Variants in DLG2 observed in about 807,000 individuals in gnomAD.
DLG2 encodes disks large homolog 2.
DLG2 carries 45 observed loss-of-function variants against 132.5 expected under a neutral mutation model. The ratio of observed to expected loss-of-function variants is 0.34; its 90% CI spans 0.27 to 0.44. The LOEUF (loss-of-function observed/expected upper bound fraction) is 0.44. DLG2 is among the 20% of genes least tolerant of loss of function. The pLI is 1.00. For synonymous variants in DLG2, 424 were observed against 419.6 expected (o/e 1.01, Z -0.13); for missense variants, 1,045 against 1,196.9 (o/e 0.87, Z 1.87).
chr11:84,240,385 G>T (rs1223693984), intron 8 of DLG2, among the ~76,000 whole-genome samples: 1 of 152,212 alleles, frequency 6.6e-6, no homozygotes, highest in Non-Finnish European at 1.5e-5. Flanking sequence ...AACTGAACCT[G>T]TCTCCTAAAG....
intron 4 of DLG2, among the ~76,000 whole-genome samples, chr11:85,270,992 C>T (rs900171457): frequency 2.6e-5 from 4 of 152,180 alleles, no homozygotes; most frequent in South Asian, 2.1e-4. Context: ...TGGCTGCAGA[C>T]ATTTGCATAA....
At chr11:85,438,091 G>C (rs948075342) in intron 3 of DLG2, among the ~76,000 whole-genome samples, 5 of 152,182 alleles carry the variant, frequency 3.3e-5, no homozygotes, top group Non-Finnish European at 7.3e-5. Flanking sequence ...AGGGGGATGA[G>C]GCACTACATA....
intron 7 of DLG2, among the ~76,000 whole-genome samples, chr11:84,487,165 T>C (rs886988735): frequency 2.6e-5 from 4 of 152,156 alleles, no homozygotes; most frequent in Admixed American, 6.5e-5. Context: ...CAACAATTAT[T>C]AGTCTTTTTT....
intron 7 of DLG2, among the ~76,000 whole-genome samples, chr11:84,301,225 A>G (rs994471767): frequency 1.3e-5 from 2 of 152,196 alleles, no homozygotes; most frequent in Admixed American, 6.5e-5. Flanking sequence ...TAGAAAAAGA[A>G]TATTTGGCAG....
intron 6 of DLG2, among the ~76,000 whole-genome samples, chr11:84,930,638 CA>C (rs1418098892): frequency 6.6e-6 from 1 of 152,102 alleles, no homozygotes; most frequent in African/African-American, 2.4e-5. Flanking sequence ...AGCCAACACA[CA>C]AGTCCTCAAC....
intron 18 of DLG2, among the ~76,000 whole-genome samples, chr11:83,734,401 T>TTCCCTCCC (rs2091583503): frequency 1.1e-5 from 1 of 90,592 alleles, no homozygotes; most frequent in African/African-American, 4.2e-5. Flanking sequence ...CCTTCCTTCC[T>TTCCCTCCC]TCCTTCCCTC....
chr11:84,860,750 A>G (rs1272032699), intron 6 of DLG2, among the ~76,000 whole-genome samples: 2 of 152,108 alleles, frequency 1.3e-5, no homozygotes, highest in African/African-American at 4.8e-5. Flanking sequence ...TTGGAATATT[A>G]TGCATTAGTA....
intron 17 of DLG2, among the ~76,000 whole-genome samples, chr11:83,818,730 C>G (rs558869229): frequency 6.6e-6 from 1 of 151,966 alleles, no homozygotes. Context: ...AGATGGTGAG[C>G]CACCCAAGGT....
At chr11:85,472,345 A>G (rs1209310916) in intron 3 of DLG2, among the ~76,000 whole-genome samples, 1 of 152,164 alleles carries the variant, frequency 6.6e-6, no homozygotes, top group Non-Finnish European at 1.5e-5. Flanking sequence ...CTCTGTCACC[A>G]GGCTGGAGTG....
At chr11:85,450,783 G>A (rs750238457) in intron 3 of DLG2, among the ~76,000 whole-genome samples, 6 of 151,922 alleles carry the variant, frequency 3.9e-5, no homozygotes, top group Non-Finnish European at 5.9e-5. Context: ...AGAAGTTTTC[G>A]GTGGAATTGA....
intron 14 of DLG2, among the ~76,000 whole-genome samples, chr11:83,944,988 G>A (rs187281405): frequency 1.1e-3 from 174 of 152,240 alleles, no homozygotes; most frequent in African/African-American, 3.9e-3. Context: ...AGTAGAGGAG[G>A]GAAATGGTTG....
chr11:84,280,441 G>A (rs1328389915), intron 7 of DLG2, among the ~76,000 whole-genome samples: 3 of 149,592 alleles, frequency 2.0e-5, no homozygotes, highest in Non-Finnish European at 4.5e-5. Flanking sequence ...GCTAATTTTT[G>A]TATTTTTTGT....
intron 3 of DLG2, among the ~76,000 whole-genome samples, chr11:85,311,254 A>T (rs1384289757): frequency 6.6e-6 from 1 of 152,178 alleles, no homozygotes; most frequent in Non-Finnish European, 1.5e-5. Context: ...TTTGATGATG[A>T]TGGTGAGGAT....
intron 5 of DLG2, among the ~76,000 whole-genome samples, chr11:85,114,686 A>G (rs1449701215): frequency 6.6e-6 from 1 of 152,010 alleles, no homozygotes; most frequent in African/African-American, 2.4e-5. Flanking sequence ...ATTCCAGAAT[A>G]TTCTGAGAAC....
At chr11:83,499,175 G>C (rs1379334145) in intron 21 of DLG2, among the ~76,000 whole-genome samples, 1 of 152,128 alleles carries the variant, frequency 6.6e-6, no homozygotes, top group African/African-American at 2.4e-5. Flanking sequence ...CTAAAAGATA[G>C]AAGAGGAGAC....
intron 3 of DLG2, among the ~76,000 whole-genome samples, chr11:85,417,585 T>C (rs896828918): frequency 4.6e-5 from 7 of 152,178 alleles, no homozygotes; most frequent in African/African-American, 1.7e-4. Flanking sequence ...CAGCTTTTTT[T>C]GGTTGGTAGG....
chr11:84,036,333 G>C (rs762496061), intron 11 of DLG2, among the ~76,000 whole-genome samples: 3 of 152,142 alleles, frequency 2.0e-5, no homozygotes, highest in African/African-American at 4.8e-5. Flanking sequence ...TCCCAGAATA[G>C]CTGATATCCT....
chr11:83,957,554 CTTTT>C (rs10713628), intron 14 of DLG2, among the ~76,000 whole-genome samples: 11,407 of 142,734 alleles, frequency 0.08, 584 homozygotes, highest in Non-Finnish European at 0.12. Flanking sequence ...GCAGCCAGAA[CTTTT>C]TTTTTTTTTT....
In DLG2 at chr11:84,313,272, G is replaced by A. The variant is rs142887465; in HGVS notation, c.520-61981C>T. Reference sequence around the variant, plus strand: ...CTGGGACTATGGTGTGCACCACTACGCCGGGCTAATTTTTGTATTTTTAGT... The same window carrying A: ...CTGGGACTATGGTGTGCACCACTACACCGGGCTAATTTTTGTATTTTTAGT... On this transcript the variant is annotated intron_variant, in intron 7 of 27. Coordinates refer to ENST00000376104, the MANE Select transcript of DLG2 (RefSeq NM_001142699.3). Among the ~76,000 whole-genome samples, 518 of 151,800 alleles carry A rather than the reference G, an allele frequency of 3.4e-3. 2 individuals carry two copies. The highest frequency in any genetic ancestry group is 4.5e-3 in the Non-Finnish European group (305 of 67,928).
Sources: allele counts gnomAD v4.1 joint callset (sites outside exome capture counted in the v4.1 genomes callset), GRCh38; gene constraint gnomAD v4.1.1; transcripts MANE v1.5; gene names NCBI Gene and HGNC (gene_info 2026-07-23, HGNC 2026-07-21).